Variants in PIRT observed in about 807,000 individuals in gnomAD.
The protein encoded by PIRT is phosphoinositide-interacting protein.
Under a neutral mutation model 7.9 loss-of-function variants are expected in PIRT, and 6 were observed. The observed-to-expected ratio is 0.76, with a 90% CI of 0.42 to 1.51. The LOEUF (loss-of-function observed/expected upper bound fraction) is 1.51, where lower values mean the gene tolerates loss of function less well. PIRT is among the 40% of genes most tolerant of loss of function. The pLI, the probability that PIRT is intolerant of heterozygous loss-of-function variation, is 0.01. For synonymous variants in PIRT, 78 were observed against 71.8 expected, an observed-to-expected ratio of 1.09 and a Z score of -0.44; for missense variants, 170 against 172.9, an observed-to-expected ratio of 0.98 and a Z score of 0.09.
chr17:10,833,007 A>T (rs772742179), intron 1 of PIRT, among the ~76,000 whole-genome samples: 87 of 152,312 alleles, frequency 5.7e-4, no homozygotes, highest in Non-Finnish European at 1.0e-3. Flanking sequence ...CACCTCTTAC[A>T]TGGATATGTG....
rs953211543 is a variant in PIRT at position 10,833,564 on chromosome 17, C to A, written c.-139+4381G>T. 2.0e-5 allele frequency among the ~76,000 whole-genome samples: 3 copies of A among 152,076 alleles called. No homozygotes were observed. The East Asian group carries it at 5.8e-4, about 29-fold the overall frequency. ...GGTCAGGAGTTCGAGACCAGCCTGG[C>A]CAACATGGTGAAACTCTGTCTCTGC... On this transcript the variant is annotated intron_variant, in intron 1 of 1. Transcript: ENST00000580256.
In PIRT at chr17:10,825,218, T is replaced by C. The variant is rs1466083400; in HGVS notation, c.*14A>G. On this transcript the variant is annotated 3_prime_UTR_variant, in exon 2 of 2. Coordinates refer to ENST00000580256, the MANE Select transcript of PIRT (RefSeq NM_001101387.2). ...TCTCCCAGTCAAGGTGGCAGGGAGA[T>C]GCGGAAACCACCATCAGCGAGTCAG... The C allele has an allele frequency of 6.2e-7, 1 of 1,611,058 alleles. No individual in the cohort carries two copies. Among genetic ancestry groups the C allele is most frequent in the South Asian group, 1.1e-5 (1 of 90,722 alleles).
chr17:10,833,458 A>G (rs897577390), intron 1 of PIRT, among the ~76,000 whole-genome samples: 3 of 152,236 alleles, frequency 2.0e-5, no homozygotes, highest in African/African-American at 7.2e-5. Context: ...TTTACAAAAT[A>G]TGTATCTGGG....
chr17:10,831,654 A>G lies in PIRT; in HGVS notation c.-138-5871T>C, dbSNP rs368132518. Among the ~76,000 whole-genome samples, 59 of 152,284 alleles carry G rather than the reference A, an allele frequency of 3.9e-4. 1 individual carries two copies. The highest frequency in any genetic ancestry group is 9.4e-4 in the African/African-American group (39 of 41,562). On this transcript the variant is annotated intron_variant, in intron 1 of 1. Transcript: ENST00000580256. ...GACTTCTGGCCTCTAAGAATGTGAGACCTTCAATTTCTGTTGTTTCAAGTC... is the reference window on the plus strand; with the variant it reads ...GACTTCTGGCCTCTAAGAATGTGAGGCCTTCAATTTCTGTTGTTTCAAGTC...
At chr17:10,828,892 C>T (rs1905397176) in intron 1 of PIRT, among the ~76,000 whole-genome samples, 1 of 152,160 alleles carries the variant, frequency 6.6e-6, no homozygotes, top group South Asian at 2.1e-4. Flanking sequence ...CGGAATTTGG[C>T]CTTGGTAATG....
At chr17:10,834,888 C>A (rs186822109) in intron 1 of PIRT, among the ~76,000 whole-genome samples, 254 of 147,354 alleles carry the variant, frequency 1.7e-3, no homozygotes, top group Non-Finnish European at 3.3e-3. Flanking sequence ...CTGCGCCCAG[C>A]GTTGTTTGTT....
chr17:10,827,755 G>A (rs1905368406), intron 1 of PIRT, among the ~76,000 whole-genome samples: 2 of 152,010 alleles, frequency 1.3e-5, no homozygotes, highest in Admixed American at 1.3e-4. Context: ...GATTACAGGT[G>A]TGAGCCACCG....
chr17:10,829,798 C>T (rs2089566748), intron 1 of PIRT, among the ~76,000 whole-genome samples: 1 of 152,148 alleles, frequency 6.6e-6, no homozygotes, highest in African/African-American at 2.4e-5. Flanking sequence ...TACATTTATT[C>T]AGTTCGAAGG....
intron 1 of PIRT, among the ~76,000 whole-genome samples, chr17:10,828,528 T>A (rs1567616145): frequency 6.6e-6 from 1 of 152,064 alleles, no homozygotes; most frequent in Non-Finnish European, 1.5e-5. Flanking sequence ...AGCAAAAAAA[T>A]TGTATTGGGG....
chr17:10,825,401 CT>C lies in PIRT; in HGVS notation c.244del (p.Ser82ValfsTer11), dbSNP rs1567615390. 6.2e-7 allele frequency: 1 copy of C among 1,613,986 alleles called. No homozygotes were observed. Among genetic ancestry groups the C allele is most frequent in the Admixed American group, 1.7e-5 (1 of 60,012 alleles). On this transcript the variant is annotated frameshift_variant, in exon 2 of 2. Transcript: ENST00000580256. LOFTEE classifies it high-confidence loss of function. ...TTTGAGGATGGAGAGACTCTTGTCACTCAGCTTCAAGGTGTAGGCCAAGCAG... is the reference window on the plus strand; with the variant it reads ...TTTGAGGATGGAGAGACTCTTGTCACCAGCTTCAAGGTGTAGGCCAAGCAG... ...ITCLAYTLKLSDKSLSILKMV... is the reference protein window; with the variant it reads ...ITCLAYTLKLXDKSLSILKMV...
chr17:10,833,632 T>C (rs12949416), intron 1 of PIRT, among the ~76,000 whole-genome samples: 24,216 of 152,028 alleles, frequency 0.16, 2,070 homozygotes, highest in Non-Finnish European at 0.2. Flanking sequence ...TGCACGCCTA[T>C]AATCCCAGCA....
intron 1 of PIRT, among the ~76,000 whole-genome samples, chr17:10,833,598 C>CA (rs113111720): frequency 6.4e-4 from 98 of 152,094 alleles, no homozygotes; most frequent in African/African-American, 1.2e-3. Context: ...GCTAAAAATA[C>CA]AAAAAATCAG....
Position 10,825,765 on chromosome 17 carries a change from G to C in PIRT, c.-120C>G, listed in dbSNP as rs964391231. The C allele has an allele frequency of 3.0e-6, 3 of 990,754 alleles. No individual in the cohort carries two copies. The Admixed American group carries it at 1.2e-4, about 39-fold the overall frequency. 61.4% of individuals were successfully genotyped at this position (990,754 alleles called of 1,614,324 possible). On this transcript the variant is annotated 5_prime_UTR_variant, in exon 2 of 2. Coordinates refer to ENST00000580256, the MANE Select transcript of PIRT (RefSeq NM_001101387.2). ...ATCTCTAGCCCCGCTCTCAGTGGAG[G>C]GTGAACAAGGTTTTTGTGCTGAAGC... is the stretch of plus-strand genomic sequence containing the variant.
chr17:10,827,166 A>C (rs866329453), intron 1 of PIRT, among the ~76,000 whole-genome samples: 2 of 152,038 alleles, frequency 1.3e-5, no homozygotes, highest in Middle Eastern at 3.2e-3. Flanking sequence ...CCTCCATGTT[A>C]ATTACATCAA....
At position 10,833,733 on chromosome 17, in the gene PIRT, A is replaced by G. The variant is rs376395834; in HGVS notation, c.-139+4212T>C. Among the ~76,000 whole-genome samples the G allele has an allele frequency of 1.3e-4, 19 of 151,838 alleles. No homozygotes were observed. In the East Asian group the frequency reaches 2.5e-3, roughly 20 times the overall value. On this transcript the variant is annotated intron_variant, in intron 1 of 1. Transcript: ENST00000580256. ...CTCGCCACTGCACTCCAGCCTGGGC[A>G]ATGGGGCGAGATTCCATCTCAAAAA...
rs1905278733 is a variant in PIRT at position 10,825,054 on chromosome 17, C to T, written c.*178G>A. The stretch of plus-strand genomic sequence containing the variant: ...CAGAATAGAGATCAAGTGGATACAT[C>T]TGGCAACATTCCCGGCTGCATGGAG... On this transcript the variant is annotated 3_prime_UTR_variant, in exon 2 of 2. Coordinates refer to ENST00000580256, the MANE Select transcript of PIRT (RefSeq NM_001101387.2). 1 of 791,678 alleles carries T rather than the reference C, an allele frequency of 1.3e-6. No individual in the cohort carries two copies. Among genetic ancestry groups the T allele is most frequent in the Non-Finnish European group, 2.0e-6 (1 of 509,614 alleles). 49.0% of individuals were successfully genotyped at this position (791,678 alleles called of 1,614,324 possible).
intron 1 of PIRT, among the ~76,000 whole-genome samples, chr17:10,827,953 A>G (rs1905372694): frequency 6.6e-6 from 1 of 152,186 alleles, no homozygotes; most frequent in Admixed American, 6.5e-5. Flanking sequence ...GCCCTGATTC[A>G]TCTTTCAAAT....
intron 1 of PIRT, among the ~76,000 whole-genome samples, chr17:10,833,946 A>G (rs1311357998): frequency 1.3e-5 from 2 of 152,202 alleles, no homozygotes; most frequent in East Asian, 3.8e-4. Context: ...CATGCACTAC[A>G]ATAGATAAAA....
rs564711496 is a variant in PIRT at position 10,823,770 on chromosome 17, A to G, written c.*1462T>C. Reference sequence around the variant, plus strand: ...TGCTTGCCAGGCCCTCTGGAAACCCACTTCCCGTCTCTACCATAGACACCA... The same window carrying G: ...TGCTTGCCAGGCCCTCTGGAAACCCGCTTCCCGTCTCTACCATAGACACCA... On this transcript the variant is annotated 3_prime_UTR_variant, in exon 2 of 2. Transcript: ENST00000580256. 6.6e-6 allele frequency: 1 copy of G among 152,086 alleles called. No individual in the cohort carries two copies. Among genetic ancestry groups the G allele is most frequent in the South Asian group, 2.1e-4 (1 of 4,822 alleles). 9.4% of individuals were successfully genotyped at this position (152,086 alleles called of 1,614,324 possible).
Sources: allele counts gnomAD v4.1 joint callset (sites outside exome capture counted in the v4.1 genomes callset), GRCh38; gene constraint gnomAD v4.1.1; transcripts MANE v1.5; gene names NCBI Gene and HGNC (gene_info 2026-07-23, HGNC 2026-07-21).